The following PCDHA9 variants were observed in gnomAD, a reference collection of about 807,000 sequenced individuals.
The protein encoded by PCDHA9 is protocadherin alpha-9.
A neutral mutation model predicts 62.0 loss-of-function variants in PCDHA9; 62 were observed. The observed-to-expected ratio is 1.00, with a 90% confidence interval of 0.81 to 1.23. The LOEUF is 1.23. Ranked by LOEUF, PCDHA9 falls within the 50% of genes most tolerant of loss-of-function variation. The pLI, the probability that PCDHA9 is intolerant of heterozygous loss-of-function variation, is 0.00. For synonymous variants in PCDHA9, 557 were observed against 567.6 expected (o/e 0.98, Z 0.27); for missense variants, 1,205 against 1,249.8 (o/e 0.96, Z 0.54).
chr5:140,876,398 A>C (rs782094508), intron 1 of PCDHA9: 1 of 1,613,962 alleles, frequency 6.2e-7, no homozygotes, highest in South Asian at 1.1e-5. Flanking sequence ...GGTGAACTGG[A>C]TTTTGAAGAG....
chr5:140,873,097 A>G (rs578070341), intron 1 of PCDHA9, among the ~76,000 whole-genome samples: 173 of 152,330 alleles, frequency 1.1e-3, no homozygotes, highest in African/African-American at 4.0e-3. Context: ...GTATAGAGGC[A>G]TAACATACCA....
intron 1 of PCDHA9, among the ~76,000 whole-genome samples, chr5:140,919,029 A>C (rs1474107507): frequency 6.6e-6 from 1 of 152,126 alleles, no homozygotes; most frequent in Non-Finnish European, 1.5e-5. Flanking sequence ...TCTTCTGCCT[A>C]GTTGTTGTCC....
chr5:140,915,363 G>C (rs1554196864), intron 1 of PCDHA9, among the ~76,000 whole-genome samples: 1 of 152,136 alleles, frequency 6.6e-6, no homozygotes, highest in Non-Finnish European at 1.5e-5. Context: ...ATTCTTACCA[G>C]TAAGTGTCTC....
intron 1 of PCDHA9, chr5:140,855,953 T>TA (rs2043692800): frequency 2.2e-6 from 3 of 1,381,096 alleles, no homozygotes; most frequent in Admixed American, 4.7e-5. Flanking sequence ...GCCATTTCGA[T>TA]AAAAAATAGA....
chr5:140,877,815 A>T (rs782076422), intron 1 of PCDHA9: 21 of 1,609,380 alleles, frequency 1.3e-5, no homozygotes, highest in Non-Finnish European at 1.7e-5. Context: ...TGTCTCGAGA[A>T]GATTGTTTAA....
intron 3 of PCDHA9, among the ~76,000 whole-genome samples, chr5:140,989,748 G>A (rs868949345): frequency 1.3e-4 from 20 of 152,192 alleles, no homozygotes; most frequent in African/African-American, 4.8e-4. Context: ...GCCTAATCTG[G>A]AGAAACATAT....
intron 3 of PCDHA9, among the ~76,000 whole-genome samples, chr5:140,986,896 A>G (rs1221599593): frequency 2.6e-5 from 4 of 152,184 alleles, no homozygotes; most frequent in African/African-American, 4.8e-5. Context: ...CTTAGGCCCT[A>G]TCCTAGACTA....
At chr5:140,898,748 G>C (rs1397892217) in intron 1 of PCDHA9, among the ~76,000 whole-genome samples, 44 of 152,222 alleles carry the variant, frequency 2.9e-4, no homozygotes, top group Non-Finnish European at 5.0e-4. Context: ...TAGCTTGATG[G>C]GGATGGCATT....
At chr5:140,876,848 A>C (rs1562720449) in intron 1 of PCDHA9, 8 of 1,614,064 alleles carry the variant, frequency 5.0e-6, no homozygotes, top group Non-Finnish European at 5.1e-6. Flanking sequence ...GCGCAGCCCG[A>C]GTACACAGTG....
chr5:140,869,999 G>A, intron 1 of PCDHA9: 1 of 1,613,514 alleles, frequency 6.2e-7, no homozygotes, highest in Non-Finnish European at 8.5e-7. Context: ...CAAAATAATG[G>A]AGAAGTGAGG....
At chr5:140,875,264 C>CTACA in intron 1 of PCDHA9, 1 of 1,189,324 alleles carries the variant, frequency 8.4e-7, no homozygotes, top group Non-Finnish European at 1.1e-6. Context: ...TGATGTCGCT[C>CTACA]TACACTCAGA....
At chr5:140,980,350 G>T (rs1382723470) in intron 2 of PCDHA9, among the ~76,000 whole-genome samples, 1 of 152,128 alleles carries the variant, frequency 6.6e-6, no homozygotes, top group Admixed American at 6.5e-5. Context: ...TAACTTCCTG[G>T]ACTGGGCGCG....
At chr5:140,900,178 T>G (rs972449455) in intron 1 of PCDHA9, among the ~76,000 whole-genome samples, 1 of 152,238 alleles carries the variant, frequency 6.6e-6, no homozygotes, top group East Asian at 1.9e-4. Flanking sequence ...GCCTGGTTTA[T>G]GTCACTTATA....
At chr5:140,967,138 G>A in intron 1 of PCDHA9, 1 of 1,611,568 alleles carries the variant, frequency 6.2e-7, no homozygotes, top group Middle Eastern at 1.7e-4. Flanking sequence ...TGGAAGTGCT[G>A]GCGCACAACC....
At chr5:140,870,425 C>A (rs531014522) in intron 1 of PCDHA9, 5 of 1,614,190 alleles carry the variant, frequency 3.1e-6, no homozygotes, top group Admixed American at 3.3e-5. Flanking sequence ...GCCAGGGTAT[C>A]CGTGGAGGTG....
intron 1 of PCDHA9, chr5:140,856,974 T>C: frequency 6.3e-7 from 1 of 1,594,506 alleles, no homozygotes; most frequent in African/African-American, 1.3e-5. Context: ...GCTATTGACT[T>C]TGAGGACAGT....
intron 1 of PCDHA9, chr5:140,869,914 G>A (rs782742972): frequency 6.2e-7 from 1 of 1,611,078 alleles, no homozygotes; most frequent in South Asian, 1.1e-5. Context: ...AGACCGAGAC[G>A]AAGGAGTCAA....
chr5:140,954,750 T>C (rs1045434392), intron 1 of PCDHA9, among the ~76,000 whole-genome samples: 7 of 152,228 alleles, frequency 4.6e-5, no homozygotes, highest in Non-Finnish European at 2.9e-5. Flanking sequence ...TAGTTTCTTT[T>C]GCTGTGCAGA....
Position 140,848,442 on chromosome 5 carries a change from T to C in PCDHA9, c.-54T>C. The C allele has an allele frequency of 1.3e-6, 2 of 1,489,558 alleles. No homozygotes were observed. The highest frequency in any genetic ancestry group is 1.8e-6 in the Non-Finnish European group (2 of 1,092,384). The allele number at this position is 1,489,558 out of a possible 1,614,324, so 92.3% of individuals were successfully genotyped here. A position where few individuals can be genotyped will look rare whatever the true frequency, so the allele number is the denominator to read the frequency against. On this transcript the variant is annotated 5_prime_UTR_variant, in exon 1 of 4. Coordinates refer to ENST00000532602, the MANE Select transcript of PCDHA9 (RefSeq NM_031857.2). ...AATGGGACTGACGAAATCAGATGAT[T>C]TCTTCTAATTTGGAGGCAATTTTCA...
Sources: allele counts gnomAD v4.1 joint callset (sites outside exome capture counted in the v4.1 genomes callset), GRCh38; gene constraint gnomAD v4.1.1; transcripts MANE v1.5; gene names NCBI Gene and HGNC (gene_info 2026-07-23, HGNC 2026-07-21).